Variants in THBS2 observed in about 807,000 individuals in gnomAD.
The protein encoded by THBS2 is thrombospondin-2.
In THBS2, 47 loss-of-function variants were observed where a neutral mutation model predicts 135.2. The observed-to-expected ratio is 0.35, with a 90% CI of 0.28 to 0.44. The LOEUF is 0.44. THBS2 is among the 20% of genes least tolerant of loss of function. THBS2 has a pLI of 1.00. For missense variants in THBS2, 1,288 were observed against 1,603.1 expected, an observed-to-expected ratio of 0.80 and a Z score of 3.36; for synonymous variants, 639 against 633.8, an observed-to-expected ratio of 1.01 and a Z score of -0.12.
intron 12 of THBS2, 141 bp downstream of exon 12, chr6:169,232,523 C>G: frequency 7.1e-7 from 1 of 1,400,770 alleles, no homozygotes; most frequent in East Asian, 2.3e-5. Flanking sequence ...CGAGCAGGTG[C>G]TCAGCTTCCC....
chr6:169,243,074 C>T (rs1780414265), intron 4 of THBS2, among the ~76,000 whole-genome samples: 1 of 139,696 alleles, frequency 7.2e-6, no homozygotes, highest in Non-Finnish European at 1.5e-5. Context: ...CTCCCACCTT[C>T]CCACCTTCCC....
chr6:169,236,199 GCCCCATAAACA>G (rs1780053267), intron 9 of THBS2, among the ~76,000 whole-genome samples: 1 of 28,268 alleles, frequency 3.5e-5, no homozygotes, highest in Non-Finnish European at 6.4e-5. Context: ...CACACTCATT[GCCCCATAAACA>G]CCATCCACAC....
chr6:169,232,330 G>C, intron 12 of THBS2, 132 bp from the exon 13 acceptor site: 1 of 1,025,248 alleles, frequency 9.8e-7, no homozygotes, highest in Non-Finnish European at 1.4e-6. Flanking sequence ...AGTGGGAAGG[G>C]CTTTCTGGAC....
At chr6:169,219,591 C>T (rs1274199843) in intron 21 of THBS2, among the ~76,000 whole-genome samples, 1 of 152,136 alleles carries the variant, frequency 6.6e-6, no homozygotes, top group Non-Finnish European at 1.5e-5. Context: ...GGGATCCACC[C>T]GCCTTGGCCT....
In THBS2 at chr6:169,237,182, C is replaced by T. The variant is rs753218788; in HGVS notation, c.1465G>A (p.Ala489Thr). ...SGRETKACQG[A>T]PCPIDGRWSP... Reference sequence around the variant, plus strand: ...TCACCGTACTTACTTGGGCATGGGGCGCCCTGGCAGGCTTTGGTCTCCCGG... The same window carrying T: ...TCACCGTACTTACTTGGGCATGGGGTGCCCTGGCAGGCTTTGGTCTCCCGG... The change falls in exon 9 of 22, where the codon GCC becomes ACC. Residue 489 changes from alanine to threonine, a missense_variant. Around this residue, in one of 2 missense-constraint regions of THBS2, gnomAD observed 874 missense variants for 1,156.1 expected, o/e 0.76. Coordinates refer to ENST00000617924, the MANE Select transcript of THBS2 (RefSeq NM_003247.5). 2.2e-5 allele frequency: 36 copies of T among 1,606,998 alleles called. No individual in the cohort carries two copies. Among genetic ancestry groups the T allele is most frequent in the East Asian group, 4.5e-5 (2 of 44,858 alleles).
chr6:169,242,206 C>T (rs62435218), intron 4 of THBS2, among the ~76,000 whole-genome samples: 19,741 of 152,080 alleles, frequency 0.13, 1,401 homozygotes, highest in Admixed American at 0.18. Flanking sequence ...CTATTTCCCA[C>T]GCTGCCACAT....
rs1780278214 is a variant in THBS2, at chr6:169,241,177, G to A, written c.891+585C>T. On this transcript the variant is annotated intron_variant, in intron 5 of 21. Transcript: ENST00000617924. The surrounding 1 kb of genome is among the most constrained non-coding windows in gnomAD (Gnocchi z 5.5). ...ATCACTGCACCCTGGTTAGCCATGTGTATGTTGTGGGGCACCGTGGCCCGG... is the reference window on the plus strand; with the variant it reads ...ATCACTGCACCCTGGTTAGCCATGTATATGTTGTGGGGCACCGTGGCCCGG... Among the ~76,000 whole-genome samples the A allele has an allele frequency of 6.6e-6, 1 of 152,092 alleles. No homozygotes were observed. The highest frequency in any genetic ancestry group is 2.4e-5 in the African/African-American group (1 of 41,398).
Position 169,218,414 on chromosome 6 carries a change from GGATGGATGA to G in THBS2, c.3512-594_3512-586del, listed in dbSNP as rs368720557. On this transcript the variant is annotated intron_variant, in intron 21 of 21. Coordinates refer to ENST00000617924, the MANE Select transcript of THBS2 (RefSeq NM_003247.5). Reference sequence around the variant, plus strand: ...GGTTGGTGGAGATGGATGGGTGGGTGGATGGATGAGATGGATGAGTGGGTGGGTGGGTGG... The same window carrying G: ...GGTTGGTGGAGATGGATGGGTGGGTGGATGGATGAGTGGGTGGGTGGGTGG... Among the ~76,000 whole-genome samples, 529 of 148,446 alleles carry G rather than the reference GGATGGATGA, an allele frequency of 3.6e-3. 5 individuals are homozygous for G. The highest frequency in any genetic ancestry group is 0.013 in the African/African-American group (506 of 39,874).
intron 9 of THBS2, among the ~76,000 whole-genome samples, chr6:169,235,791 TC>T (rs1297741649): frequency 3.8e-5 from 4 of 104,188 alleles, no homozygotes; most frequent in East Asian, 3.5e-4. Context: ...TCACACTCCC[TC>T]CCCATCCACA....
At chr6:169,250,442 T>A (rs1180173818) in intron 2 of THBS2, among the ~76,000 whole-genome samples, 1 of 152,172 alleles carries the variant, frequency 6.6e-6, no homozygotes, top group East Asian at 1.9e-4. Flanking sequence ...GCAAAAAGAA[T>A]TCAACAAACA....
rs957721155 is a variant in THBS2, at chr6:169,225,474, C to T, written c.2539-95G>A. ...ACGCAAGCCTGAGAGCCGGCCTCCT[C>T]GTCCTGCAGCACAAGCCCCAGGGCC... On this transcript the variant is annotated intron_variant, in intron 16 of 21. Transcript: ENST00000617924. 135 of 1,270,034 alleles carry T rather than the reference C, an allele frequency of 1.1e-4. 1 individual carries two copies. In the Admixed American group the frequency reaches 1.9e-3, roughly 18 times the overall value. 78.7% of individuals were successfully genotyped at this position (1,270,034 alleles called of 1,614,324 possible). A position where few individuals can be genotyped will look rare whatever the true frequency, so the allele number is the denominator to read the frequency against.
chr6:169,230,563 C>T (rs535708737), intron 13 of THBS2, among the ~76,000 whole-genome samples: 3 of 152,186 alleles, frequency 2.0e-5, no homozygotes, highest in Admixed American at 2.0e-4. Flanking sequence ...AATATGGGAA[C>T]GGGCACAGGG....
In THBS2 at chr6:169,246,206, C is replaced by A; in HGVS notation, c.685G>T (p.Gly229Cys). 6.2e-7 allele frequency: 1 copy of A among 1,613,978 alleles called. No homozygotes were observed. The change falls in exon 4 of 22, where the codon GGC becomes TGC. Residue 229 changes from glycine (G) to cysteine (C), a missense_variant. Transcript: ENST00000617924. ...TTCACAACACACCTACCTCCCTGGC[C>A]TTGCTGGCAACCCTTCTTGCTTAGA... is the stretch of plus-strand genomic sequence containing the variant. The part of the protein sequence containing the change: ...DILSKKGCQQ[G>C]QGAEINAISE...
Position 169,223,492 on chromosome 6 carries a change from A to C in THBS2, c.2774-17T>G, listed in dbSNP as rs1779506352. ...GTCCATCACCTATGCACAAAGAACA[A>C]GCAAAAACAAAAACAAAAACAAAGA... On this transcript the variant is annotated splice_polypyrimidine_tract_variant and intron_variant, in intron 17 of 21. Coordinates refer to ENST00000617924, the MANE Select transcript of THBS2 (RefSeq NM_003247.5). 1 of 1,601,918 alleles carries C rather than the reference A, an allele frequency of 6.2e-7. No individual in the cohort carries two copies. Among genetic ancestry groups the C allele is most frequent in the Admixed American group, 1.7e-5 (1 of 59,392 alleles).
intron 10 of THBS2, among the ~76,000 whole-genome samples, chr6:169,234,155 T>C (rs1779950004): frequency 6.7e-6 from 1 of 149,258 alleles, no homozygotes; most frequent in Non-Finnish European, 1.5e-5. Flanking sequence ...CACAACTACA[T>C]ATTCCAGACC....
chr6:169,245,752 A>G (rs989905993), intron 4 of THBS2, among the ~76,000 whole-genome samples: 7 of 149,346 alleles, frequency 4.7e-5, no homozygotes, highest in Non-Finnish European at 8.9e-5. Context: ...AGATCGCACC[A>G]CTGCACTCCA....
At chr6:169,226,643 G>A (rs1033452947) in intron 15 of THBS2, among the ~76,000 whole-genome samples, 1 of 152,212 alleles carries the variant, frequency 6.6e-6, no homozygotes, top group Non-Finnish European at 1.5e-5. Flanking sequence ...TGGAAAGTAT[G>A]TGTTGAGTTC....
Position 169,234,657 on chromosome 6 carries a change from A to C in THBS2, c.1651+77T>G, listed in dbSNP as rs146372009. 1.5e-4 allele frequency: 206 copies of C among 1,336,858 alleles called. No individual in the cohort carries two copies. The East Asian group carries it at 5.4e-3, about 35-fold the overall frequency. 82.8% of individuals were successfully genotyped at this position (1,336,858 alleles called of 1,614,324 possible). A position where few individuals can be genotyped will look rare whatever the true frequency, so the allele number is the denominator to read the frequency against. On this transcript the variant is annotated intron_variant, in intron 10 of 21. Transcript: ENST00000617924. ...TTTTTCTTTTCTGTGTTTTTCATCT[A>C]GTTTCCCAAAGCGTTTGTGCTTTTC... is the stretch of plus-strand genomic sequence containing the variant.
intron 1 of THBS2, 30 bp from the exon 2 acceptor site, chr6:169,250,836 T>A: frequency 6.4e-7 from 1 of 1,557,246 alleles, no homozygotes; most frequent in Non-Finnish European, 8.8e-7. Context: ...TTGTTAGTGA[T>A]GAGTCCACAG....
Sources: allele counts gnomAD v4.1 joint callset (sites outside exome capture counted in the v4.1 genomes callset), GRCh38; gene constraint gnomAD v4.1.1; regional missense constraint gnomAD v4.1.1; non-coding constraint Gnocchi (gnomAD v3.1); transcripts MANE v1.5; gene names NCBI Gene and HGNC (gene_info 2026-07-23, HGNC 2026-07-21).